The following SASH1 variants were observed in gnomAD, a reference collection of about 807,000 sequenced individuals.
SASH1 encodes the protein SAM and SH3 domain containing 1, also known as SAM and SH3 domain-containing protein 1.
In SASH1, 44 loss-of-function variants were observed where a neutral mutation model predicts 125.2. The ratio of observed to expected loss-of-function variants is 0.35; its 90% CI spans 0.28 to 0.45. SASH1 has a LOEUF of 0.45. Among genes scored for constraint, SASH1 ranks in the 20% least tolerant of loss-of-function variants. The pLI, the probability that SASH1 is intolerant of heterozygous loss-of-function variation, is 1.00. For synonymous variants in SASH1, 639 were observed against 649.1 expected, an observed-to-expected ratio of 0.98 and a Z score of 0.24; for missense variants, 1,426 against 1,614.5, an observed-to-expected ratio of 0.88 and a Z score of 2.00.
At chr6:148,326,373 TACA>T (rs1562326327) in intron 1 of SASH1, among the ~76,000 whole-genome samples, 13 of 78,084 alleles carry the variant, frequency 1.7e-4, no homozygotes, top group African/African-American at 4.6e-4. Context: ...TATATATATA[TACA>T]TTCTTTTCTT....
chr6:148,523,383 C>T (rs551634503), intron 10 of SASH1, among the ~76,000 whole-genome samples: 26 of 152,180 alleles, frequency 1.7e-4, no homozygotes, highest in Non-Finnish European at 3.7e-4. Context: ...GAGAGGTGGT[C>T]ATAACATTGC....
intron 8 of SASH1, among the ~76,000 whole-genome samples, chr6:148,496,240 C>T (rs558794469): frequency 3.9e-5 from 6 of 152,274 alleles, no homozygotes; most frequent in Middle Eastern, 3.4e-3. Context: ...CACTGCATCT[C>T]TTTTCCTAAG....
At chr6:148,469,931 C>A (rs910318735) in intron 5 of SASH1, among the ~76,000 whole-genome samples, 2 of 150,986 alleles carry the variant, frequency 1.3e-5, no homozygotes, top group Admixed American at 6.6e-5. Context: ...GAGGCTGAGG[C>A]AGGAGAATCA....
At chr6:148,289,467 A>C (rs764179589) in intron 1 of SASH1, among the ~76,000 whole-genome samples, 1 of 152,256 alleles carries the variant, frequency 6.6e-6, no homozygotes, top group Non-Finnish European at 1.5e-5. Flanking sequence ...GGTAAAAGGC[A>C]GTGAAGTGGT....
intron 2 of SASH1, among the ~76,000 whole-genome samples, chr6:148,414,325 A>G (rs1168311082): frequency 6.6e-6 from 1 of 151,644 alleles, no homozygotes; most frequent in Non-Finnish European, 1.5e-5. Context: ...AATGTAAGAG[A>G]CTCTTAGGCA....
intron 1 of SASH1, among the ~76,000 whole-genome samples, chr6:148,329,386 T>C (rs1008952846): frequency 9.2e-5 from 14 of 152,214 alleles, no homozygotes; most frequent in Non-Finnish European, 1.6e-4. Context: ...GAGCAGAGCA[T>C]GCTATGTACT....
At chr6:148,508,815 GGGGGGTGGGAGGTA>G in intron 8 of SASH1, 2 of 676,548 alleles carry the variant, frequency 3.0e-6, no homozygotes, top group Non-Finnish European at 4.5e-6. Context: ...CGAGTGGGGA[GGGGGGTGGGAGGTA>G]CAGGACGTCT....
chr6:148,418,070 C>A (rs1583122597), intron 2 of SASH1, among the ~76,000 whole-genome samples: 2 of 152,212 alleles, frequency 1.3e-5, no homozygotes, highest in South Asian at 2.1e-4. Flanking sequence ...TCCTAGTGGG[C>A]ACTTGGTGAA....
rs1268213411 is a variant in SASH1 at position 148,540,631 on chromosome 6, C to T, written c.2209+75C>T. On this transcript the variant is annotated intron_variant, in intron 17 of 19. Coordinates refer to ENST00000367467, the MANE Select transcript of SASH1 (RefSeq NM_015278.5). Reference sequence around the variant, plus strand: ...CAAAGCACAGTTTTCTGCAAAAGGACGATTCTATTCCTGTCATGAACTCAG... The same window carrying T: ...CAAAGCACAGTTTTCTGCAAAAGGATGATTCTATTCCTGTCATGAACTCAG... 7.4e-6 allele frequency: 8 copies of T among 1,074,656 alleles called. No individual in the cohort carries two copies. The East Asian group carries it at 7.8e-5, about 10-fold the overall frequency. 66.6% of individuals were successfully genotyped at this position (1,074,656 alleles called of 1,614,324 possible).
chr6:148,482,688 A>ATTTTTTTTTTTTTTTTTTTTTT (rs200708826), intron 7 of SASH1, among the ~76,000 whole-genome samples: 1 of 99,922 alleles, frequency 1.0e-5, no homozygotes, highest in Non-Finnish European at 1.9e-5. Flanking sequence ...CACCTGGCTA[A>ATTTTTTTTTTTTTTTTTTTTTT]TTTTTTTTTT....
chr6:148,510,003 G>A lies in SASH1; in HGVS notation c.730-4321G>A, dbSNP rs557172188. 1.1e-4 allele frequency among the ~76,000 whole-genome samples: 17 copies of A among 152,320 alleles called. No homozygotes were observed. The East Asian group carries it at 2.7e-3, about 24-fold the overall frequency. ...AGGTTCCTCATTCAGTGGCCTGGCC[G>A]GCAAATGGTGTGCTATCTCTTTAAA... On this transcript the variant is annotated intron_variant, in intron 8 of 19. Coordinates refer to ENST00000367467, the MANE Select transcript of SASH1 (RefSeq NM_015278.5).
chr6:148,440,071 C>T lies in SASH1; in HGVS notation c.286-113C>T. ...TGTTTATCTCTGCCATCTCCTCCCA[C>T]TCTATACCCCAACCTTTCCCGAATC... On this transcript the variant is annotated intron_variant, in intron 2 of 19. Transcript: ENST00000367467. 5 of 953,976 alleles carry T rather than the reference C, an allele frequency of 5.2e-6. No homozygotes were observed. In the South Asian group the frequency reaches 6.9e-5, roughly 13 times the overall value. The allele number at this position is 953,976 out of a possible 1,614,324, so 59.1% of individuals were successfully genotyped here. A position where few individuals can be genotyped will look rare whatever the true frequency, so the allele number is the denominator to read the frequency against.
Position 148,545,901 on chromosome 6 carries a change from A to T in SASH1, c.3349-114A>T, listed in dbSNP as rs1413257586. ...GGCTGCAGTGAGCCATGATCACACC[A>T]CTGCACTCCAGTCTAAGTGACAGTG... On this transcript the variant is annotated intron_variant, in intron 18 of 19. Coordinates refer to ENST00000367467, the MANE Select transcript of SASH1 (RefSeq NM_015278.5). The T allele has an allele frequency of 1.1e-5, 11 of 1,022,364 alleles. No homozygotes were observed. The Admixed American group carries it at 2.6e-4, about 24-fold the overall frequency. The allele number at this position is 1,022,364 out of a possible 1,614,324, so 63.3% of individuals were successfully genotyped here.
chr6:148,330,827 C>T (rs1369614006), intron 1 of SASH1, among the ~76,000 whole-genome samples: 1 of 152,184 alleles, frequency 6.6e-6, no homozygotes, highest in Non-Finnish European at 1.5e-5. Flanking sequence ...CTCAGGTGAT[C>T]TGCCAGCCTC....
intron 1 of SASH1, among the ~76,000 whole-genome samples, chr6:148,276,782 C>A (rs1779194997): frequency 6.6e-6 from 1 of 152,092 alleles, no homozygotes; most frequent in Non-Finnish European, 1.5e-5. Context: ...GTTCCAAGTA[C>A]TTCACATAAA....
chr6:148,483,961 AAAG>A (rs773545363), intron 7 of SASH1, among the ~76,000 whole-genome samples: 4 of 152,222 alleles, frequency 2.6e-5, no homozygotes, highest in Non-Finnish European at 5.9e-5. Context: ...ATTTATCTCA[AAAG>A]AAGCAGAAAA....
At chr6:148,385,800 A>T (rs1212981890) in intron 1 of SASH1, among the ~76,000 whole-genome samples, 1 of 152,086 alleles carries the variant, frequency 6.6e-6, no homozygotes, top group Admixed American at 6.5e-5. Flanking sequence ...AAGCTCCGAC[A>T]CCCTTCCTCA....
intron 1 of SASH1, among the ~76,000 whole-genome samples, chr6:148,352,523 G>C (rs543163919): frequency 6.6e-6 from 1 of 152,080 alleles, no homozygotes; most frequent in South Asian, 2.1e-4. Context: ...CTTGAACCCA[G>C]GAGGTGGAGG....
At chr6:148,541,046 G>C (rs950531316) in intron 17 of SASH1, among the ~76,000 whole-genome samples, 1 of 151,980 alleles carries the variant, frequency 6.6e-6, no homozygotes, top group African/African-American at 2.4e-5. Context: ...TTTCAGAAAA[G>C]GTACTTGTCT....
Sources: allele counts gnomAD v4.1 joint callset (sites outside exome capture counted in the v4.1 genomes callset), GRCh38; gene constraint gnomAD v4.1.1; transcripts MANE v1.5; gene names NCBI Gene and HGNC (gene_info 2026-07-23, HGNC 2026-07-21).